ZMYM4: variants seen among roughly 807,000 people sequenced by gnomAD.
The protein encoded by ZMYM4 is zinc finger MYM-type protein 4.
ZMYM4 carries 31 observed loss-of-function variants against 183.2 expected under a neutral mutation model. The ratio of observed to expected loss-of-function variants is 0.17; its 90% CI spans 0.13 to 0.23. The LOEUF (loss-of-function observed/expected upper bound fraction) is 0.23, where lower values mean the gene tolerates loss of function less well. Among genes scored for constraint, ZMYM4 ranks in the 10% least tolerant of loss-of-function variants. The pLI is 1.00. For missense variants in ZMYM4, 1,273 were observed against 1,840.3 expected (o/e 0.69, Z 5.64); for synonymous variants, 592 against 631.2 (o/e 0.94, Z 0.93).
At chr1:35,387,750 C>T in intron 13 of ZMYM4, 146 bp downstream of exon 13, 1 of 827,236 alleles carries the variant, frequency 1.2e-6, no homozygotes, top group Non-Finnish European at 1.8e-6. Context: ...ACACTTAGTT[C>T]ATTCTTTTTT....
intron 7 of ZMYM4, among the ~76,000 whole-genome samples, chr1:35,375,205 A>G (rs964611540): frequency 5.9e-5 from 9 of 152,126 alleles, no homozygotes; most frequent in Non-Finnish European, 1.0e-4. Flanking sequence ...TCAGTCTTCA[A>G]CCATTGTCAA....
At chr1:35,331,332 G>C (rs1312831900) in intron 2 of ZMYM4, among the ~76,000 whole-genome samples, 2 of 152,074 alleles carry the variant, frequency 1.3e-5, no homozygotes, top group African/African-American at 4.8e-5. Context: ...CTTAAATAAA[G>C]GTATAGGTTC....
rs35156814 is a variant in ZMYM4, at chr1:35,398,928, G to A, written c.3318G>A (p.Glu1106=). Residue 1106 remains glutamate (E), a synonymous_variant, in exon 22 of 30, where the codon GAG becomes GAA. Coordinates refer to ENST00000314607, the MANE Select transcript of ZMYM4 (RefSeq NM_005095.3). ...CAGTATCTACTCCACATAGCTGGGA[G>A]GAAGAGCTGAATCACTATGCCTTAA... ...SEAVSTPHSW[E]EELNHYALKS... is the part of the protein sequence containing the mutation. 8.9e-5 allele frequency: 143 copies of A among 1,614,154 alleles called. No individual in the cohort carries two copies. The African/African-American group carries it at 1.8e-3, about 20-fold the overall frequency.
chr1:35,287,674 C>T (rs910900893), intron 1 of ZMYM4, among the ~76,000 whole-genome samples: 12 of 152,124 alleles, frequency 7.9e-5, no homozygotes, highest in East Asian at 5.8e-4. Flanking sequence ...GACGCAATCT[C>T]GGCTCACTGC....
At chr1:35,299,077 A>G (rs989402948) in intron 1 of ZMYM4, among the ~76,000 whole-genome samples, 1 of 149,164 alleles carries the variant, frequency 6.7e-6, no homozygotes, top group Non-Finnish European at 1.5e-5. Flanking sequence ...CATGTGGCCC[A>G]GGCTGAACTC....
In ZMYM4 at chr1:35,392,340, A is replaced by C. The variant is rs1455013863; in HGVS notation, c.2716A>C (p.Ser906Arg). The change falls in exon 16 of 30, where the codon AGT becomes CGT. Residue 906 changes from serine to arginine, a missense_variant. Around this residue, in one of 6 missense-constraint regions of ZMYM4, gnomAD observed 290 missense variants for 353.3 expected, o/e 0.82. Coordinates refer to ENST00000314607, the MANE Select transcript of ZMYM4 (RefSeq NM_005095.3). ...TGCTCAGCCTACAGTGAATTCTAAC[A>C]GTGTCTTACAAGGTATGGCTTGATT... The part of the protein sequence containing the change: ...PAAQPTVNSN[S>R]VLQGAVPTVT... 1 of 1,614,076 alleles carries C rather than the reference A, an allele frequency of 6.2e-7. No homozygotes were observed. Among genetic ancestry groups the C allele is most frequent in the Admixed American group, 1.7e-5 (1 of 60,000 alleles).
intron 7 of ZMYM4, 100 bp downstream of exon 7, chr1:35,370,727 CTTTTTTTTT>C (rs3066096): frequency 2.6e-4 from 74 of 284,240 alleles, no homozygotes; most frequent in Non-Finnish European, 3.4e-4. Flanking sequence ...ACATTTATTC[CTTTTTTTTT>C]TTTTTTTTTT....
intron 2 of ZMYM4, among the ~76,000 whole-genome samples, chr1:35,356,196 C>G (rs922099979): frequency 2.0e-5 from 3 of 152,092 alleles, no homozygotes; most frequent in Non-Finnish European, 4.4e-5. Flanking sequence ...GGTGACAGAG[C>G]CAGATCCTGT....
chr1:35,287,675 G>A (rs1640570237), intron 1 of ZMYM4, among the ~76,000 whole-genome samples: 1 of 151,734 alleles, frequency 6.6e-6, no homozygotes, highest in South Asian at 2.1e-4. Flanking sequence ...ACGCAATCTC[G>A]GCTCACTGCA....
At chr1:35,322,825 G>A (rs1359681989) in intron 1 of ZMYM4, among the ~76,000 whole-genome samples, 1 of 151,984 alleles carries the variant, frequency 6.6e-6, no homozygotes, top group Non-Finnish European at 1.5e-5. Context: ...AAGTAGCTGG[G>A]ATTACAGGTG....
chr1:35,352,263 GCGCGCGCACACACA>G (rs1235530887), intron 2 of ZMYM4, among the ~76,000 whole-genome samples: 2 of 69,420 alleles, frequency 2.9e-5, no homozygotes, highest in East Asian at 1.8e-3. Flanking sequence ...GCGCGCACGC[GCGCGCGCACACACA>G]CACACACACA....
In ZMYM4 at chr1:35,269,003, C is replaced by A. The variant is rs996592989; in HGVS notation, c.-44C>A. On this transcript the variant is annotated 5_prime_UTR_variant, in exon 1 of 30. Transcript: ENST00000314607. ...GGGCCGGGGGGCCGAGAGGTACCGC[C>A]GCCACCGCGCGGGGAGCCGCAGCGG... 2 of 1,518,366 alleles carry A rather than the reference C, an allele frequency of 1.3e-6. No individual in the cohort carries two copies. Among genetic ancestry groups the A allele is most frequent in the African/African-American group, 2.9e-5 (2 of 69,938 alleles). The allele number at this position is 1,518,366 out of a possible 1,614,324, so 94.1% of individuals were successfully genotyped here.
intron 1 of ZMYM4, among the ~76,000 whole-genome samples, chr1:35,307,991 G>A (rs1406855949): frequency 3.3e-5 from 5 of 151,558 alleles, no homozygotes; most frequent in East Asian, 2.0e-4. Context: ...CACCGCACCC[G>A]GCTAATTTTT....
chr1:35,283,896 A>G (rs1640328678), intron 1 of ZMYM4, among the ~76,000 whole-genome samples: 1 of 151,924 alleles, frequency 6.6e-6, no homozygotes, highest in African/African-American at 2.4e-5. Context: ...TAATTTACAA[A>G]TATTTTTTTC....
rs1231646476 is a variant in ZMYM4, at chr1:35,352,386, G to GCGCGCACACACACACACA, written c.86-6538_86-6537insGCGCACACACACACACAC. Among the ~76,000 whole-genome samples the GCGCGCACACACACACACA allele has an allele frequency of 1.7e-4, 22 of 128,472 alleles. No individual in the cohort carries two copies. In the East Asian group the frequency reaches 3.0e-3, roughly 17 times the overall value. The allele number at this position is 128,472 out of a possible 152,430, so 84.3% of individuals were successfully genotyped here. On this transcript the variant is annotated intron_variant, in intron 2 of 29. Coordinates refer to ENST00000314607, the MANE Select transcript of ZMYM4 (RefSeq NM_005095.3). ...CTCTACTAATAATTTAAAAATTAGC[G>GCGCGCACACACACACACA]CACACACACACACACACACACACAC...
chr1:35,418,066 T>C (rs191794496), intron 28 of ZMYM4, among the ~76,000 whole-genome samples: 10 of 151,956 alleles, frequency 6.6e-5, no homozygotes, highest in East Asian at 5.8e-4. Flanking sequence ...GAGAAAAACA[T>C]GTGGAACCCT....
intron 1 of ZMYM4, among the ~76,000 whole-genome samples, chr1:35,292,036 G>T (rs1053094069): frequency 3.3e-5 from 5 of 152,166 alleles, no homozygotes; most frequent in Non-Finnish European, 5.9e-5. Context: ...TCTAAAGTTA[G>T]TTGGGAACTG....
intron 2 of ZMYM4, among the ~76,000 whole-genome samples, chr1:35,339,037 T>G (rs1286818765): frequency 6.6e-6 from 1 of 152,222 alleles, no homozygotes; most frequent in Non-Finnish European, 1.5e-5. Flanking sequence ...TTTCCTGGGC[T>G]GAGATCAGGA....
At chr1:35,281,055 C>T (rs897841584) in intron 1 of ZMYM4, among the ~76,000 whole-genome samples, 4 of 152,088 alleles carry the variant, frequency 2.6e-5, no homozygotes, top group Non-Finnish European at 4.4e-5. Flanking sequence ...GAGGCCACTG[C>T]GGGCGGAACA....
Sources: allele counts gnomAD v4.1 joint callset (sites outside exome capture counted in the v4.1 genomes callset), GRCh38; gene constraint gnomAD v4.1.1; regional missense constraint gnomAD v4.1.1; transcripts MANE v1.5; gene names NCBI Gene and HGNC (gene_info 2026-07-23, HGNC 2026-07-21).